Variants in ARMC10 observed in about 807,000 individuals in gnomAD.
ARMC10 encodes the protein armadillo repeat containing 10, also known as armadillo repeat-containing protein 10.
In ARMC10, 23 loss-of-function variants were observed where a neutral mutation model predicts 30.2. The ratio of observed to expected loss-of-function variants is 0.76; its 90% CI spans 0.55 to 1.08. ARMC10 has a LOEUF of 1.08. Ranked by LOEUF, ARMC10 falls within the 50% of genes least tolerant of loss-of-function variation. The pLI is 0.00. For synonymous variants in ARMC10, 111 were observed against 164.4 expected (o/e 0.68, Z 2.48); for missense variants, 303 against 413.7 (o/e 0.73, Z 2.32).
intron 4 of ARMC10, 117 bp downstream of exon 4, chr7:103,086,881 T>C: frequency 6.5e-7 from 1 of 1,530,644 alleles, no homozygotes; most frequent in Non-Finnish European, 8.8e-7. Flanking sequence ...AAGGATTACC[T>C]TTAGAGGAAT....
intron 5 of ARMC10, among the ~76,000 whole-genome samples, 186 bp downstream of exon 5, chr7:103,092,839 CT>C (rs1801465388): frequency 6.6e-6 from 1 of 152,206 alleles, no homozygotes; most frequent in Non-Finnish European, 1.5e-5. Flanking sequence ...TGTTGTTTCA[CT>C]TATCAACAGA....
chr7:103,087,319 G>C (rs990691343), intron 4 of ARMC10, among the ~76,000 whole-genome samples: 1 of 152,168 alleles, frequency 6.6e-6, no homozygotes, highest in African/African-American at 2.4e-5. Context: ...CAGAATAACT[G>C]TTCCTTTATC....
intron 6 of ARMC10, among the ~76,000 whole-genome samples, chr7:103,098,053 C>A (rs1314735624): frequency 6.6e-6 from 1 of 152,188 alleles, no homozygotes; most frequent in South Asian, 2.1e-4. Context: ...TGTATTTTTC[C>A]AGCTGAAACA....
Position 103,098,510 on chromosome 7 carries a change from C to G in ARMC10, c.989C>G (p.Ala330Gly), listed in dbSNP as rs144379670. ...KIRALVDHHD[A>G]EVKEKVVTII... ...AGAGCTTTAGTTGATCACCATGATGCAGAGGTGAAGGAAAAGGTTGTAACA... is the reference window on the plus strand; with the variant it reads ...AGAGCTTTAGTTGATCACCATGATGGAGAGGTGAAGGAAAAGGTTGTAACA... Residue 330 changes from alanine (A) to glycine (G), a missense_variant, in exon 7 of 7, where the codon GCA becomes GGA. Physicochemically the swap from Ala to Gly is moderately conservative, Grantham distance 60 (BLOSUM62 0). Around this residue, in one of 4 missense-constraint regions of ARMC10, gnomAD observed 26 missense variants for 94.7 expected, o/e 0.27. Coordinates refer to ENST00000323716, the MANE Select transcript of ARMC10 (RefSeq NM_031905.5). 235 of 1,598,128 alleles carry G rather than the reference C, an allele frequency of 1.5e-4. 1 individual carries two copies. In the African/African-American group the frequency reaches 2.9e-3, roughly 20 times the overall value.
chr7:103,098,241 A>G, intron 6 of ARMC10, 58 bp from the exon 7 acceptor site: 3 of 1,232,192 alleles, frequency 2.4e-6, no homozygotes, highest in Middle Eastern at 3.1e-4. Context: ...TAAAATATAC[A>G]TGAAAAAGTT....
At chr7:103,092,108 G>A (rs1337378978) in intron 4 of ARMC10, among the ~76,000 whole-genome samples, 3 of 152,092 alleles carry the variant, frequency 2.0e-5, no homozygotes, top group African/African-American at 4.8e-5. Flanking sequence ...CGAGGCGGGC[G>A]GATCGCGAGG....
chr7:103,092,731 C>A (rs1801453932), intron 5 of ARMC10, 78 bp downstream of exon 5: 2 of 1,066,540 alleles, frequency 1.9e-6, no homozygotes, highest in Non-Finnish European at 2.6e-6. Context: ...TGATGTGCCT[C>A]AAAGAGGAAG....
In ARMC10 at chr7:103,075,251, G is replaced by A. The variant is rs1334673280; in HGVS notation, c.-22G>A. 5.1e-6 allele frequency: 6 copies of A among 1,179,120 alleles called. No homozygotes were observed. Among genetic ancestry groups the A allele is most frequent in the African/African-American group, 1.6e-5 (1 of 62,262 alleles). 73.0% of individuals were successfully genotyped at this position (1,179,120 alleles called of 1,614,324 possible). ...GAGCCTCCTGCCCTGGCCCGGCGCTGCGGCTCTGCCGCGGCGGCAGCATGG... is the reference window on the plus strand; with the variant it reads ...GAGCCTCCTGCCCTGGCCCGGCGCTACGGCTCTGCCGCGGCGGCAGCATGG... On this transcript the variant is annotated 5_prime_UTR_variant, in exon 1 of 7. Coordinates refer to ENST00000323716, the MANE Select transcript of ARMC10 (RefSeq NM_031905.5).
At chr7:103,093,384 T>G (rs1285733542) in intron 5 of ARMC10, among the ~76,000 whole-genome samples, 9 of 152,204 alleles carry the variant, frequency 5.9e-5, no homozygotes, top group Non-Finnish European at 1.0e-4. Flanking sequence ...ACTCCAAATA[T>G]TCAACATCAC....
intron 5 of ARMC10, among the ~76,000 whole-genome samples, chr7:103,094,209 CTGAT>C (rs1452024490): frequency 9.2e-5 from 14 of 151,462 alleles, no homozygotes; most frequent in African/African-American, 3.1e-4. Context: ...GGGTACACCA[CTGAT>C]TGATAACTTA....
At chr7:103,078,452 G>C (rs1227885451) in intron 2 of ARMC10, among the ~76,000 whole-genome samples, 1 of 152,142 alleles carries the variant, frequency 6.6e-6, no homozygotes, top group Non-Finnish European at 1.5e-5. Flanking sequence ...TCTCTTTCCT[G>C]CTGCCTATGA....
chr7:103,081,759 T>C (rs1800405264), intron 2 of ARMC10: 1 of 369,632 alleles, frequency 2.7e-6, no homozygotes. Flanking sequence ...GTTAAATTTA[T>C]CACATTTCTG....
intron 5 of ARMC10, among the ~76,000 whole-genome samples, chr7:103,092,931 A>T (rs948028484): frequency 5.3e-5 from 8 of 152,218 alleles, no homozygotes; most frequent in Non-Finnish European, 8.8e-5. Context: ...AGTCTGAGTA[A>T]TAGTAGTGGT....
rs1585706048 is a variant in ARMC10 at position 103,075,964 on chromosome 7, A to G, written c.244+83A>G. The G allele has an allele frequency of 4.7e-6, 5 of 1,068,876 alleles. No homozygotes were observed. In the Admixed American group the frequency reaches 1.4e-4, roughly 31 times the overall value. 66.2% of individuals were successfully genotyped at this position (1,068,876 alleles called of 1,614,324 possible). On this transcript the variant is annotated intron_variant, in intron 2 of 6. Transcript: ENST00000323716. Reference sequence around the variant, plus strand: ...AAATGCATGATTCGGTTTCTGTCCAAAAGTTGATCGGTACATTAAAACCCT... The same window carrying G: ...AAATGCATGATTCGGTTTCTGTCCAGAAGTTGATCGGTACATTAAAACCCT...
intron 4 of ARMC10, chr7:103,089,200 C>A: frequency 3.9e-6 from 1 of 253,756 alleles, no homozygotes; most frequent in East Asian, 9.4e-5. Flanking sequence ...AGAACACTCT[C>A]CAGCTTTCAT....
At position 103,075,815 on chromosome 7, in the gene ARMC10, G is replaced by A. The variant is rs1427688725; in HGVS notation, c.178G>A (p.Gly60Arg). Residue 60 changes from glycine to arginine, a missense_variant, in exon 2 of 7, where the codon GGG becomes AGG. Physicochemically the swap from Gly to Arg is moderately radical, Grantham distance 125. This residue lies in a region of ARMC10 where 96 missense variants were observed against 84.2 expected (regional missense o/e 1.14). Coordinates refer to ENST00000323716, the MANE Select transcript of ARMC10 (RefSeq NM_031905.5). ...EEGTSEGQLC[G>R]RSARPQTGGT... ...AGGGACGTCAGAGGGTCAGTTGTGC[G>A]GGCGCTCGGCCCGGCCTCAGACGGG... 1 of 1,610,898 alleles carries A rather than the reference G, an allele frequency of 6.2e-7. No individual in the cohort carries two copies. Among genetic ancestry groups the A allele is most frequent in the South Asian group, 1.1e-5 (1 of 90,260 alleles).
At chr7:103,076,017 C>T (rs1038095558) in intron 2 of ARMC10, 136 bp downstream of exon 2, 22 of 547,500 alleles carry the variant, frequency 4.0e-5, no homozygotes, top group African/African-American at 5.8e-5. Flanking sequence ...ATCATGGAAG[C>T]TGTTAGGGAA....
At chr7:103,085,606 C>CTTCTTTTTTTTTTTTTTTTTTTT (rs1563322299) in intron 3 of ARMC10, among the ~76,000 whole-genome samples, 1 of 130,580 alleles carries the variant, frequency 7.7e-6, no homozygotes, top group African/African-American at 2.8e-5. Context: ...CATTTCTCTT[C>CTTCTTTTTTTTTTTTTTTTTTTT]TTTTTTTTTT....
intron 5 of ARMC10, among the ~76,000 whole-genome samples, chr7:103,092,967 G>C (rs1801478093): frequency 7.0e-6 from 1 of 143,080 alleles, no homozygotes; most frequent in African/African-American, 2.5e-5. Context: ...CTTACCTCAG[G>C]GTTAACAAAT....
Sources: gnomAD v4.1 joint callset for allele counts (sites outside exome capture counted in the v4.1 genomes callset) on GRCh38, gnomAD v4.1.1 for gene constraint, gnomAD v4.1.1 regional missense constraint, MANE v1.5 for transcripts, NCBI Gene and HGNC (gene_info 2026-07-23, HGNC 2026-07-21) for gene names.